Variants in HECW2 observed in about 807,000 individuals in gnomAD.
The protein encoded by HECW2 is E3 ubiquitin-protein ligase HECW2.
HECW2 carries 61 observed loss-of-function variants against 175.2 expected under a neutral mutation model. The observed-to-expected ratio is 0.35, with a 90% CI of 0.28 to 0.43. The LOEUF (loss-of-function observed/expected upper bound fraction) is 0.43. Ranked by LOEUF, HECW2 falls within the 20% of genes least tolerant of loss-of-function variation. The pLI is 1.00. For missense variants in HECW2, 1,524 were observed against 2,000.5 expected, an observed-to-expected ratio of 0.76 and a Z score of 4.54; for synonymous variants, 671 against 731.0, an observed-to-expected ratio of 0.92 and a Z score of 1.32.
At chr2:196,474,417 C>T (rs141170243) in intron 1 of HECW2, among the ~76,000 whole-genome samples, 1 of 152,256 alleles carries the variant, frequency 6.6e-6, no homozygotes, top group East Asian at 1.9e-4. Flanking sequence ...TATCATTAGT[C>T]ATAAATTGAG....
chr2:196,588,849 T>G (rs1435782973), intron 1 of HECW2, among the ~76,000 whole-genome samples: 1 of 152,228 alleles, frequency 6.6e-6, no homozygotes, highest in East Asian at 1.9e-4. Flanking sequence ...TACCATATTT[T>G]ACTCTCAAAA....
intron 1 of HECW2, among the ~76,000 whole-genome samples, chr2:196,524,044 A>C (rs1364707312): frequency 6.7e-6 from 1 of 149,066 alleles, no homozygotes; most frequent in African/African-American, 2.5e-5. Context: ...TAGTTTCAGA[A>C]GGAATGGTAC....
At chr2:196,526,473 C>G (rs1315246658) in intron 1 of HECW2, among the ~76,000 whole-genome samples, 1 of 152,014 alleles carries the variant, frequency 6.6e-6, no homozygotes, top group East Asian at 1.9e-4. Flanking sequence ...CTTCTTCTCT[C>G]AGCTCGTCAA....
chr2:196,496,201 C>T lies in HECW2; in HGVS notation c.-35-62743G>A, dbSNP rs529145424. Among the ~76,000 whole-genome samples the T allele has an allele frequency of 2.6e-5, 4 of 151,712 alleles. No homozygotes were observed. In the East Asian group the frequency reaches 7.7e-4, roughly 29 times the overall value. On this transcript the variant is annotated intron_variant, in intron 1 of 28. Coordinates refer to ENST00000644978, the MANE Select transcript of HECW2 (RefSeq NM_001348768.2). Reference sequence around the variant, plus strand: ...GCTTACATATATTTTTTAACTTTACCTTTGTATGTGTGTGTGTGTCTGTGT... The same window carrying T: ...GCTTACATATATTTTTTAACTTTACTTTTGTATGTGTGTGTGTGTCTGTGT...
intron 2 of HECW2, among the ~76,000 whole-genome samples, chr2:196,415,796 A>C (rs1695239526): frequency 6.6e-6 from 1 of 152,362 alleles, no homozygotes; most frequent in South Asian, 2.1e-4. Flanking sequence ...GATTGGCCAG[A>C]AAACTGGGAG....
intron 1 of HECW2, among the ~76,000 whole-genome samples, chr2:196,510,954 T>C (rs1305072238): frequency 6.7e-6 from 1 of 149,062 alleles, no homozygotes; most frequent in African/African-American, 2.6e-5. Flanking sequence ...CTTGTTTGTT[T>C]GGGTTTGCTG....
In HECW2 at chr2:196,297,683, A is replaced by C. The variant is rs76385696; in HGVS notation, c.2815-4933T>G. Reference sequence around the variant, plus strand: ...ATATTTCAGAAAGCCTTCATCAAGAATAGGCATTCTGAATTCAGGTTTGGA... The same window carrying C: ...ATATTTCAGAAAGCCTTCATCAAGACTAGGCATTCTGAATTCAGGTTTGGA... On this transcript the variant is annotated intron_variant, in intron 13 of 28. Transcript: ENST00000644978. Among the ~76,000 whole-genome samples, 360 of 152,360 alleles carry C rather than the reference A, an allele frequency of 2.4e-3. 1 individual carries two copies. The highest frequency in any genetic ancestry group is 4.0e-3 in the Non-Finnish European group (274 of 68,030).
chr2:196,511,906 C>T (rs553816261), intron 1 of HECW2, among the ~76,000 whole-genome samples: 1 of 152,304 alleles, frequency 6.6e-6, no homozygotes, highest in African/African-American at 2.4e-5. Flanking sequence ...GGCACCCTTG[C>T]TAACAGGATT....
intron 5 of HECW2, among the ~76,000 whole-genome samples, chr2:196,327,963 T>C (rs1212047668): frequency 6.6e-6 from 1 of 152,186 alleles, no homozygotes; most frequent in African/African-American, 2.4e-5. Context: ...TAAGTGTGTG[T>C]CATGCTTAGA....
chr2:196,329,376 G>T (rs1692272195), intron 5 of HECW2, among the ~76,000 whole-genome samples, 199 bp downstream of exon 5: 1 of 152,062 alleles, frequency 6.6e-6, no homozygotes, highest in South Asian at 2.1e-4. Context: ...AAACTTGGTA[G>T]AAGAAATAAT....
intron 1 of HECW2, among the ~76,000 whole-genome samples, chr2:196,512,591 T>A (rs1687992362): frequency 6.6e-6 from 1 of 152,150 alleles, no homozygotes; most frequent in Non-Finnish European, 1.5e-5. Flanking sequence ...GGTCTCACTA[T>A]GTTGCTCTAG....
intron 28 of HECW2, among the ~76,000 whole-genome samples, chr2:196,206,415 C>T (rs1240696178): frequency 6.6e-6 from 1 of 152,154 alleles, no homozygotes; most frequent in Admixed American, 6.5e-5. Flanking sequence ...CTCCCTTTTT[C>T]CCTACAGATA....
chr2:196,281,643 CAAAAAAAAAAAAAA>C (rs66656305), intron 14 of HECW2, among the ~76,000 whole-genome samples: 2 of 38,210 alleles, frequency 5.2e-5, no homozygotes, highest in East Asian at 1.9e-3. Context: ...GACCCCGTCT[CAAAAAAAAAAAAAA>C]AAAAAAAAAA....
chr2:196,221,488 T>C (rs963874668), intron 24 of HECW2, among the ~76,000 whole-genome samples: 2 of 152,208 alleles, frequency 1.3e-5, no homozygotes, highest in South Asian at 2.1e-4. Flanking sequence ...TAATATATTC[T>C]GTTCTTAAGT....
chr2:196,525,918 C>T (rs1426385567), intron 1 of HECW2, among the ~76,000 whole-genome samples: 1 of 59,672 alleles, frequency 1.7e-5, no homozygotes, highest in Non-Finnish European at 3.3e-5. Context: ...ACATTTTTTC[C>T]TTCATTTCAA....
At chr2:196,516,904 T>C (rs980403523) in intron 1 of HECW2, among the ~76,000 whole-genome samples, 5 of 152,184 alleles carry the variant, frequency 3.3e-5, no homozygotes, top group Admixed American at 2.0e-4. Context: ...AGGCAAAATA[T>C]CCCATTCCTC....
chr2:196,504,088 G>T (rs1687666688), intron 1 of HECW2, among the ~76,000 whole-genome samples: 2 of 152,230 alleles, frequency 1.3e-5, no homozygotes, highest in East Asian at 3.9e-4. Context: ...CTGAGGTCAG[G>T]AGTTTGAGAC....
intron 2 of HECW2, among the ~76,000 whole-genome samples, chr2:196,367,864 GTGTGTGTGTGTT>G (rs1575468286): frequency 6.6e-6 from 1 of 151,488 alleles, no homozygotes; most frequent in African/African-American, 2.4e-5. Flanking sequence ...TTGTGTGTGT[GTGTGTGTGTGTT>G]TGTGTGTGTG....
chr2:196,405,848 A>T (rs554445906), intron 2 of HECW2, among the ~76,000 whole-genome samples: 2 of 152,104 alleles, frequency 1.3e-5, no homozygotes, highest in South Asian at 4.2e-4. Context: ...ATTTCATTTC[A>T]ACTTCTACCC....
Sources: allele counts gnomAD v4.1 joint callset (sites outside exome capture counted in the v4.1 genomes callset), GRCh38; gene constraint gnomAD v4.1.1; transcripts MANE v1.5; gene names NCBI Gene and HGNC (gene_info 2026-07-23, HGNC 2026-07-21).